CCSER1: variants seen among roughly 807,000 people sequenced by gnomAD.
CCSER1 encodes coiled-coil serine rich protein 1, also known as serine-rich coiled-coil domain-containing protein 1.
Under a neutral mutation model 82.0 loss-of-function variants are expected in CCSER1, and 41 were observed. That is an observed-to-expected ratio of 0.50 (90% CI 0.39 to 0.65). The LOEUF is 0.65. CCSER1 is among the 30% of genes least tolerant of loss of function. The pLI is 0.00. For missense variants in CCSER1, 1,119 were observed against 1,064.2 expected, an observed-to-expected ratio of 1.05 and a Z score of -0.72; for synonymous variants, 414 against 383.9, an observed-to-expected ratio of 1.08 and a Z score of -0.92.
chr4:90,509,021 GTAAA>G (rs1771106965), intron 5 of CCSER1, among the ~76,000 whole-genome samples: 1 of 151,912 alleles, frequency 6.6e-6, no homozygotes, highest in Non-Finnish European at 1.5e-5. Context: ...ATATGTGTGT[GTAAA>G]TAAATAAATC....
intron 6 of CCSER1, chr4:90,663,942 T>G: frequency 3.7e-6 from 1 of 269,640 alleles, no homozygotes. Context: ...GAATGTAAGT[T>G]ACCTGTTTGC....
Position 91,025,466 on chromosome 4 carries a change from A to G in CCSER1, c.2173-60484A>G, listed in dbSNP as rs181657440. Among the ~76,000 whole-genome samples, 163 of 152,204 alleles carry G rather than the reference A, an allele frequency of 1.1e-3. 1 individual carries two copies. Among genetic ancestry groups the G allele is most frequent in the African/African-American group, 3.7e-3 (155 of 41,548 alleles). ...TGTGCTGGCACTTTTAGATGATGTTATATGCTGGGGCTTCAGGAACCCTGG... is the reference window on the plus strand; with the variant it reads ...TGTGCTGGCACTTTTAGATGATGTTGTATGCTGGGGCTTCAGGAACCCTGG... On this transcript the variant is annotated intron_variant, in intron 9 of 10. Coordinates refer to ENST00000509176, the MANE Select transcript of CCSER1 (RefSeq NM_001145065.2).
At chr4:91,444,589 A>T (rs1364864617) in intron 10 of CCSER1, among the ~76,000 whole-genome samples, 1 of 151,894 alleles carries the variant, frequency 6.6e-6, no homozygotes, top group Non-Finnish European at 1.5e-5. Flanking sequence ...AGCTGGGATT[A>T]CAGGCGCCCA....
intron 5 of CCSER1, among the ~76,000 whole-genome samples, chr4:90,532,888 T>A (rs1445711133): frequency 1.3e-5 from 2 of 152,088 alleles, no homozygotes; most frequent in African/African-American, 4.8e-5. Flanking sequence ...TTGTATTCTG[T>A]TCTTACTGTT....
chr4:91,481,166 A>C (rs1272741290), intron 10 of CCSER1, among the ~76,000 whole-genome samples: 2 of 150,592 alleles, frequency 1.3e-5, no homozygotes, highest in African/African-American at 4.9e-5. Context: ...GAATGACTTC[A>C]TAATCAGAAA....
intron 10 of CCSER1, among the ~76,000 whole-genome samples, chr4:91,108,630 T>C (rs1725840627): frequency 6.6e-6 from 1 of 152,170 alleles, no homozygotes; most frequent in Non-Finnish European, 1.5e-5. Flanking sequence ...ACACAAGCAG[T>C]CAATTTTAAG....
intron 5 of CCSER1, among the ~76,000 whole-genome samples, chr4:90,545,842 T>C (rs919605110): frequency 6.6e-6 from 1 of 152,204 alleles, no homozygotes; most frequent in Non-Finnish European, 1.5e-5. Flanking sequence ...AGAATTTCAC[T>C]GTCAAATACA....
At chr4:91,316,708 C>T (rs550323277) in intron 10 of CCSER1, among the ~76,000 whole-genome samples, 16 of 152,112 alleles carry the variant, frequency 1.1e-4, no homozygotes, top group Non-Finnish European at 2.2e-4. Context: ...TCTTCTACTC[C>T]TGTCTCCTAT....
intron 8 of CCSER1, among the ~76,000 whole-genome samples, chr4:90,863,456 TCTCA>T (rs1765340650): frequency 6.6e-6 from 1 of 151,942 alleles, no homozygotes; most frequent in Non-Finnish European, 1.5e-5. Context: ...ACATATCACA[TCTCA>T]CTAACTCCTA....
intron 10 of CCSER1, among the ~76,000 whole-genome samples, chr4:91,482,426 A>AG: frequency 7.2e-6 from 1 of 139,670 alleles, no homozygotes; most frequent in African/African-American, 2.6e-5. Flanking sequence ...AAAAAAAAAA[A>AG]AAAAAAGTCA....
At position 91,308,901 on chromosome 4, in the gene CCSER1, A is replaced by G. The variant is rs547410041; in HGVS notation, c.2217+222907A>G. On this transcript the variant is annotated intron_variant, in intron 10 of 10. Transcript: ENST00000509176. ...ATTTTCTATGACTAGAAATGAATTA[A>G]GTTTACTTCTTAATAAAATGGAAAA... is the stretch of plus-strand genomic sequence containing the variant. 2.6e-5 allele frequency among the ~76,000 whole-genome samples: 4 copies of G among 152,106 alleles called. No homozygotes were observed. The East Asian group carries it at 7.8e-4, about 30-fold the overall frequency.
At chr4:91,077,184 T>C (rs1722087435) in intron 9 of CCSER1, among the ~76,000 whole-genome samples, 1 of 152,068 alleles carries the variant, frequency 6.6e-6, no homozygotes. Context: ...ATACAGAGGG[T>C]ATTCAGTAGA....
chr4:91,579,437 C>G (rs996223864), intron 10 of CCSER1, among the ~76,000 whole-genome samples: 7 of 151,572 alleles, frequency 4.6e-5, no homozygotes, highest in Non-Finnish European at 1.0e-4. Context: ...GTTAACTCAC[C>G]ATAGGAAATG....
chr4:90,685,597 C>G (rs931122039), intron 6 of CCSER1, among the ~76,000 whole-genome samples: 5 of 152,202 alleles, frequency 3.3e-5, no homozygotes, highest in Admixed American at 6.5e-5. Flanking sequence ...ATGTAAGACC[C>G]TCAGCTCAAG....
intron 10 of CCSER1, among the ~76,000 whole-genome samples, chr4:91,496,564 GTA>G (rs367939121): frequency 0.027 from 472 of 17,578 alleles, 57 homozygotes; most frequent in Middle Eastern, 0.12. Flanking sequence ...CATAAATCTT[GTA>G]TATATATATA....
At chr4:91,098,914 A>G (rs1724779000) in intron 10 of CCSER1, among the ~76,000 whole-genome samples, 1 of 152,240 alleles carries the variant, frequency 6.6e-6, no homozygotes. Context: ...ATTGAAGAAA[A>G]TGTACTATTC....
chr4:90,646,052 A>G (rs1395421708), intron 6 of CCSER1, among the ~76,000 whole-genome samples: 1 of 152,178 alleles, frequency 6.6e-6, no homozygotes. Flanking sequence ...CAGAAGAGGA[A>G]ACAATTTTTT....
chr4:90,765,591 C>T (rs923893380), intron 7 of CCSER1, among the ~76,000 whole-genome samples: 2 of 151,976 alleles, frequency 1.3e-5, no homozygotes, highest in African/African-American at 4.8e-5. Flanking sequence ...TTTTTCGTCT[C>T]ATATAATTTT....
At chr4:91,114,627 T>C (rs951051955) in intron 10 of CCSER1, among the ~76,000 whole-genome samples, 35 of 152,332 alleles carry the variant, frequency 2.3e-4, no homozygotes, top group Admixed American at 2.0e-3. Flanking sequence ...TCCTGCTTCC[T>C]GCTCTTTGCA....
Sources: allele counts gnomAD v4.1 joint callset (sites outside exome capture counted in the v4.1 genomes callset), GRCh38; gene constraint gnomAD v4.1.1; transcripts MANE v1.5; gene names NCBI Gene and HGNC (gene_info 2026-07-23, HGNC 2026-07-21).